Variants in BCKDHB observed in about 807,000 individuals in gnomAD.
BCKDHB encodes branched chain keto acid dehydrogenase E1 subunit beta.
Under a neutral mutation model 48.5 loss-of-function variants are expected in BCKDHB, and 41 were observed. The ratio of observed to expected loss-of-function variants is 0.85; its 90% CI spans 0.66 to 1.10. The LOEUF (loss-of-function observed/expected upper bound fraction) is 1.10. Ranked by LOEUF, BCKDHB falls within the 50% of genes least tolerant of loss-of-function variation. The probability of loss-of-function intolerance (pLI) is 0.00; values close to 1 mark genes in which losing one functional copy is unlikely to be tolerated. For missense variants in BCKDHB, 496 were observed against 494.2 expected, an observed-to-expected ratio of 1.00 and a Z score of -0.03; for synonymous variants, 201 against 174.8, an observed-to-expected ratio of 1.15 and a Z score of -1.18.
chr6:80,425,855 C>T, the BCKDHB span, among the ~76,000 whole-genome samples: 1 of 152,124 alleles, frequency 6.6e-6, no homozygotes, highest in Admixed American at 6.5e-5. Flanking sequence ...AAGTTGTTTT[C>T]AAAGCAAGAA....
At chr6:80,140,240 A>C (rs375226865) in intron 3 of BCKDHB, among the ~76,000 whole-genome samples, 5 of 152,126 alleles carry the variant, frequency 3.3e-5, no homozygotes, top group South Asian at 2.1e-4. Context: ...ACAATCATGT[A>C]ATCTGCAAAC....
At chr6:80,303,108 T>A (rs1358565131) in intron 9 of BCKDHB, among the ~76,000 whole-genome samples, 1 of 152,124 alleles carries the variant, frequency 6.6e-6, no homozygotes, top group South Asian at 2.1e-4. Context: ...TTACCTGAAC[T>A]CAAAGGGTAA....
chr6:80,443,896 A>G, the BCKDHB span, among the ~76,000 whole-genome samples: 5 of 152,096 alleles, frequency 3.3e-5, no homozygotes, highest in African/African-American at 1.2e-4. Flanking sequence ...GATATCTGAA[A>G]GATGAACGTG....
At chr6:80,402,413 A>G in the BCKDHB span, among the ~76,000 whole-genome samples, 13 of 151,772 alleles carry the variant, frequency 8.6e-5, no homozygotes, top group African/African-American at 3.1e-4. Flanking sequence ...TCTTCTTTAG[A>G]TAAGTTTCTA....
intron 8 of BCKDHB, among the ~76,000 whole-genome samples, chr6:80,217,054 C>G (rs1481984785): frequency 6.6e-6 from 1 of 152,024 alleles, no homozygotes; most frequent in South Asian, 2.1e-4. Context: ...ACCAGCCTGA[C>G]CAACATGGTG....
At position 80,266,248 on chromosome 6, in the gene BCKDHB, T is replaced by C. The variant is rs1044050976; in HGVS notation, c.952-6887T>C. On this transcript the variant is annotated intron_variant, in intron 8 of 9. Transcript: ENST00000320393. ...GAGATGGAGATTAGGAATAAGTTTATGAAAATGTTTTTAAAAACTGATGGA... is the reference window on the plus strand; with the variant it reads ...GAGATGGAGATTAGGAATAAGTTTACGAAAATGTTTTTAAAAACTGATGGA... Among the ~76,000 whole-genome samples, 7 of 152,214 alleles carry C rather than the reference T, an allele frequency of 4.6e-5. No individual in the cohort carries two copies. In the South Asian group the frequency reaches 8.3e-4, roughly 18 times the overall value.
chr6:80,265,063 T>G (rs1777457449), intron 8 of BCKDHB, among the ~76,000 whole-genome samples: 1 of 152,094 alleles, frequency 6.6e-6, no homozygotes, highest in Non-Finnish European at 1.5e-5. Flanking sequence ...AAAATAAGTG[T>G]TGGTACAGAT....
chr6:80,262,136 C>T lies in BCKDHB; in HGVS notation c.952-10999C>T, dbSNP rs190654246. Among the ~76,000 whole-genome samples the T allele has an allele frequency of 6.6e-5, 10 of 152,248 alleles. No homozygotes were observed. The East Asian group carries it at 1.9e-3, about 29-fold the overall frequency. On this transcript the variant is annotated intron_variant, in intron 8 of 9. Transcript: ENST00000320393. ...TTTTTCTGCCACTGAGCTAGGGTCA[C>T]ACACTGAAGGGCCTGCAGAGATTAG...
chr6:80,366,682 C>A, the BCKDHB span, among the ~76,000 whole-genome samples: 1 of 152,214 alleles, frequency 6.6e-6, no homozygotes, highest in Non-Finnish European at 1.5e-5. Flanking sequence ...GCCAGTTCCT[C>A]TATCCATCCA....
intron 8 of BCKDHB, among the ~76,000 whole-genome samples, chr6:80,258,785 T>C (rs929368497): frequency 6.6e-6 from 1 of 151,770 alleles, no homozygotes; most frequent in Non-Finnish European, 1.5e-5. Flanking sequence ...GCAGCACTCA[T>C]GCATTCTATC....
the BCKDHB span, among the ~76,000 whole-genome samples, chr6:80,412,556 A>G: frequency 6.6e-6 from 1 of 152,202 alleles, no homozygotes; most frequent in African/African-American, 2.4e-5. Context: ...AGTGATTTAC[A>G]TACTATCATT....
chr6:80,313,149 G>C (rs886466630), intron 9 of BCKDHB, among the ~76,000 whole-genome samples: 8 of 152,128 alleles, frequency 5.3e-5, no homozygotes, highest in African/African-American at 1.7e-4. Context: ...TCCTGGTTCA[G>C]TCTTGGGAGG....
chr6:80,365,674 T>C, the BCKDHB span, among the ~76,000 whole-genome samples: 1 of 152,212 alleles, frequency 6.6e-6, no homozygotes, highest in Admixed American at 6.5e-5. Flanking sequence ...ACAATCAATT[T>C]GTACAGTTAA....
At chr6:80,384,402 AG>A in the BCKDHB span, among the ~76,000 whole-genome samples, 1 of 150,214 alleles carries the variant, frequency 6.7e-6, no homozygotes, top group Admixed American at 6.7e-5. Context: ...TCTGTCACCC[AG>A]GCTGGAGTGC....
the BCKDHB span, among the ~76,000 whole-genome samples, chr6:80,454,925 C>T: frequency 6.6e-6 from 1 of 152,172 alleles, no homozygotes; most frequent in Non-Finnish European, 1.5e-5. Context: ...AATTTCAACA[C>T]ACTATTCTGA....
At chr6:80,182,560 C>T (rs553203258) in intron 6 of BCKDHB, among the ~76,000 whole-genome samples, 1 of 152,240 alleles carries the variant, frequency 6.6e-6, no homozygotes, top group South Asian at 2.1e-4. Context: ...GTTCCAGCAT[C>T]ACAGAACTAT....
At chr6:80,393,367 G>A in the BCKDHB span, among the ~76,000 whole-genome samples, 3 of 152,078 alleles carry the variant, frequency 2.0e-5, no homozygotes, top group Non-Finnish European at 2.9e-5. Flanking sequence ...AGGAAGTGGG[G>A]CCTTTAGGAG....
intron 9 of BCKDHB, chr6:80,307,866 G>T (rs1376676845): frequency 2.0e-6 from 2 of 975,948 alleles, no homozygotes; most frequent in Non-Finnish European, 1.2e-6. Context: ...CACTGCAAAT[G>T]CAACTTCAAA....
intron 1 of BCKDHB, among the ~76,000 whole-genome samples, chr6:80,126,910 G>T (rs574619481): frequency 6.6e-6 from 1 of 152,182 alleles, no homozygotes; most frequent in African/African-American, 2.4e-5. Context: ...ACTGTGTCAG[G>T]TACTGTTCTG....
Sources: gnomAD v4.1 joint callset for allele counts (sites outside exome capture counted in the v4.1 genomes callset) on GRCh38, gnomAD v4.1.1 for gene constraint, MANE v1.5 for transcripts, NCBI Gene and HGNC (gene_info 2026-07-23, HGNC 2026-07-21) for gene names.